Variants in ABCA12 observed in about 807,000 individuals in gnomAD.
ABCA12 encodes glucosylceramide transporter ABCA12.
Under a neutral mutation model 293.5 loss-of-function variants are expected in ABCA12, and 156 were observed. The ratio of observed to expected loss-of-function variants is 0.53; its 90% CI spans 0.47 to 0.61. The LOEUF (loss-of-function observed/expected upper bound fraction) is 0.61, where lower values mean the gene tolerates loss of function less well. Among genes scored for constraint, ABCA12 ranks in the 20% least tolerant of loss-of-function variants. The pLI is 0.00. For missense variants in ABCA12, 2,797 were observed against 3,090.2 expected (o/e 0.91, Z 2.25); for synonymous variants, 1,063 against 1,108.0 (o/e 0.96, Z 0.81).
rs79240798 is a variant in ABCA12, at chr2:215,116,651, T to C, written c.70-4961A>G. On this transcript the variant is annotated intron_variant, in intron 1 of 52. Transcript: ENST00000272895. ...AAACAAACACATAGGTAAACATAAA[T>C]AAATTGAAAGCTTAATGAGGAATGG... Among the ~76,000 whole-genome samples, 561 of 152,212 alleles carry C rather than the reference T, an allele frequency of 3.7e-3. 9 individuals carry two copies. The East Asian group carries it at 0.052, about 14-fold the overall frequency.
At chr2:215,004,389 A>G in intron 19 of ABCA12, 90 bp from the exon 20 acceptor site, 1 of 906,222 alleles carries the variant, frequency 1.1e-6, no homozygotes, top group Non-Finnish European at 1.8e-6. Flanking sequence ...GAAGTGCAGT[A>G]ACCACAACTG....
At chr2:215,053,318 CA>C (rs1269575010) in intron 4 of ABCA12, among the ~76,000 whole-genome samples, 4 of 152,050 alleles carry the variant, frequency 2.6e-5, no homozygotes, top group Middle Eastern at 3.2e-3. Context: ...ATCCTCAGAG[CA>C]AAGAATCTTA....
In ABCA12 at chr2:215,025,667, GCTTA is replaced by G. The variant is rs1559153582; in HGVS notation, c.1287+2_1287+5del. 3 of 1,529,526 alleles carry G rather than the reference GCTTA, an allele frequency of 2.0e-6. No homozygotes were observed. Among genetic ancestry groups the G allele is most frequent in the Non-Finnish European group, 2.7e-6 (3 of 1,124,528 alleles). 94.7% of individuals were successfully genotyped at this position (1,529,526 alleles called of 1,614,324 possible). ...TTTTTGTTTTTTTTTTACTTTCATG[GCTTA>G]CTTTTGATTTTAGGACTTCAGGAAC... On this transcript the variant is annotated splice_donor_variant and splice_donor_5th_base_variant and intron_variant, in intron 11 of 52. Transcript: ENST00000272895. LOFTEE classifies it high-confidence loss of function.
At chr2:215,084,839 A>G (rs1702007280) in intron 2 of ABCA12, among the ~76,000 whole-genome samples, 1 of 152,152 alleles carries the variant, frequency 6.6e-6, no homozygotes, top group African/African-American at 2.4e-5. Context: ...CACACCAGTA[A>G]TCCCAGCACT....
At chr2:214,972,127 C>T (rs73088488) in intron 36 of ABCA12, among the ~76,000 whole-genome samples, 12,857 of 152,094 alleles carry the variant, frequency 0.085, 1,326 homozygotes, top group African/African-American at 0.24. Context: ...TTTATACACA[C>T]GTTTATTCTG....
At chr2:215,095,316 G>T (rs1404757919) in intron 2 of ABCA12, among the ~76,000 whole-genome samples, 1 of 152,070 alleles carries the variant, frequency 6.6e-6, no homozygotes, top group Non-Finnish European at 1.5e-5. Context: ...TGGATGTCCT[G>T]GGTCCTCCCA....
intron 2 of ABCA12, among the ~76,000 whole-genome samples, chr2:215,100,889 C>T (rs1702344437): frequency 6.6e-6 from 1 of 152,130 alleles, no homozygotes; most frequent in South Asian, 2.1e-4. Context: ...GTGGGAAGTG[C>T]TTGTTTGCAT....
Position 214,966,126 on chromosome 2 carries a change from A to C in ABCA12, c.5884+722T>G, listed in dbSNP as rs140626854. Among the ~76,000 whole-genome samples, 605 of 152,282 alleles carry C rather than the reference A, an allele frequency of 4.0e-3. 6 individuals carry two copies. Among genetic ancestry groups the C allele is most frequent in the African/African-American group, 0.014 (574 of 41,556 alleles). On this transcript the variant is annotated intron_variant, in intron 39 of 52. Transcript: ENST00000272895. ...TGGAAGCCATTATCCTCAGCAAACT[A>C]ATGTAGGAACAGAAAACCAAATACT... is the stretch of plus-strand genomic sequence containing the variant.
At chr2:215,055,625 A>T (rs967575423) in intron 3 of ABCA12, among the ~76,000 whole-genome samples, 9 of 152,228 alleles carry the variant, frequency 5.9e-5, no homozygotes, top group African/African-American at 2.2e-4. Flanking sequence ...AATTCTGCTT[A>T]CTACCATGGT....
rs1294473677 is a variant in ABCA12, at chr2:214,932,513, C to G, written c.*121G>C. 2.4e-6 allele frequency: 2 copies of G among 818,870 alleles called. No individual in the cohort carries two copies. The highest frequency in any genetic ancestry group is 3.4e-5 in the African/African-American group (2 of 58,358). The allele number at this position is 818,870 out of a possible 1,614,324, so 50.7% of individuals were successfully genotyped here. ...ACTTGTTAGTCTAACACAGTTGTAA[C>G]TTTCCATACAGTATATTACTTTACT... On this transcript the variant is annotated 3_prime_UTR_variant, in exon 53 of 53. Coordinates refer to ENST00000272895, the MANE Select transcript of ABCA12 (RefSeq NM_173076.3).
At position 215,098,991 on chromosome 2, in the gene ABCA12, T is replaced by C. The variant is rs184636987; in HGVS notation, c.163+12606A>G. 6.6e-3 allele frequency among the ~76,000 whole-genome samples: 1,003 copies of C among 152,344 alleles called. 7 individuals carry two copies. The highest frequency in any genetic ancestry group is 0.011 in the Admixed American group (161 of 15,306). ...GGCTGTGTGGTGGTTTTAAAATGTA[T>C]CCACAGAATCTTCGGCACTTTTTTT... On this transcript the variant is annotated intron_variant, in intron 2 of 52. Coordinates refer to ENST00000272895, the MANE Select transcript of ABCA12 (RefSeq NM_173076.3).
chr2:214,961,945 A>T (rs1352975277), intron 39 of ABCA12: 1 of 152,190 alleles, frequency 6.6e-6, no homozygotes, highest in Non-Finnish European at 1.5e-5. Context: ...ATACACTATG[A>T]TGCCCAACAG....
At chr2:215,004,040 C>G (rs1025882177) in intron 20 of ABCA12, among the ~76,000 whole-genome samples, 169 bp downstream of exon 20, 3 of 152,114 alleles carry the variant, frequency 2.0e-5, no homozygotes, top group Non-Finnish European at 2.9e-5. Context: ...AATTGTACAA[C>G]TAACTGGGAA....
At chr2:215,033,724 G>A (rs766658591) in intron 8 of ABCA12, among the ~76,000 whole-genome samples, 66 of 152,114 alleles carry the variant, frequency 4.3e-4, no homozygotes, top group South Asian at 2.1e-4. Flanking sequence ...GGCACATCAC[G>A]AGGTCAGGAG....
Position 214,953,776 on chromosome 2 carries a change from A to G in ABCA12, c.6647+78T>C, listed in dbSNP as rs1698853383. On this transcript the variant is annotated intron_variant, in intron 44 of 52. Transcript: ENST00000272895. ...TTCCATATTACCAATGGAAAAGCTT[A>G]GACTATTGACTTCTTTCTCAATAGG... 10 of 1,547,728 alleles carry G rather than the reference A, an allele frequency of 6.5e-6. No homozygotes were observed. In the East Asian group the frequency reaches 2.3e-4, roughly 36 times the overall value.
At chr2:215,056,048 A>C (rs531948010) in intron 3 of ABCA12, among the ~76,000 whole-genome samples, 2 of 152,234 alleles carry the variant, frequency 1.3e-5, no homozygotes. Context: ...TTGAAGACAA[A>C]AGCAAAAACT....
intron 39 of ABCA12, chr2:214,961,721 T>C (rs1011282541): frequency 2.0e-5 from 3 of 152,210 alleles, no homozygotes; most frequent in African/African-American, 7.2e-5. Context: ...TCATTTAATT[T>C]AATTTACCAC....
chr2:215,059,006 A>G (rs748459171), intron 3 of ABCA12, among the ~76,000 whole-genome samples: 7 of 152,012 alleles, frequency 4.6e-5, no homozygotes, highest in Non-Finnish European at 1.0e-4. Flanking sequence ...TACCTGTATA[A>G]GTGGTACTGT....
intron 2 of ABCA12, 88 bp from the exon 3 acceptor site, chr2:215,064,307 A>C (rs75570023): frequency 8.6e-7 from 1 of 1,162,138 alleles, no homozygotes. Context: ...TGTGAAGTTA[A>C]CCTCCTGGAT....
Sources: gnomAD v4.1 joint callset for allele counts (sites outside exome capture counted in the v4.1 genomes callset) on GRCh38, gnomAD v4.1.1 for gene constraint, MANE v1.5 for transcripts, NCBI Gene and HGNC (gene_info 2026-07-23, HGNC 2026-07-21) for gene names.